DSCAM: variants seen among roughly 807,000 people sequenced by gnomAD.
The protein encoded by DSCAM is cell adhesion molecule DSCAM.
Under a neutral mutation model 217.7 loss-of-function variants are expected in DSCAM, and 47 were observed. That is an observed-to-expected ratio of 0.22 (90% confidence interval 0.17 to 0.28). DSCAM has a LOEUF of 0.28. Among genes scored for constraint, DSCAM ranks in the 10% least tolerant of loss-of-function variants. The probability of loss-of-function intolerance (pLI) is 1.00; values close to 1 mark genes in which losing one functional copy is unlikely to be tolerated. For missense variants in DSCAM, 2,080 were observed against 2,618.3 expected (o/e 0.79, Z 4.49); for synonymous variants, 1,056 against 1,015.3 (o/e 1.04, Z -0.76).
chr21:40,683,358 A>C (rs899921177), intron 3 of DSCAM, among the ~76,000 whole-genome samples: 1 of 152,172 alleles, frequency 6.6e-6, no homozygotes, highest in Non-Finnish European at 1.5e-5. Flanking sequence ...CAAAATACTC[A>C]CTACTATAAA....
intron 3 of DSCAM, among the ~76,000 whole-genome samples, chr21:40,533,599 G>C: frequency 1.3e-5 from 1 of 78,792 alleles, no homozygotes; most frequent in Non-Finnish European, 2.0e-5. Context: ...CCATCCACCT[G>C]TCTGTCCATC....
intron 1 of DSCAM, among the ~76,000 whole-genome samples, chr21:40,772,170 C>A (rs8127001): frequency 0.83 from 126,218 of 152,172 alleles, 52,494 homozygotes; most frequent in African/African-American, 0.86. Context: ...TGATTTGTTT[C>A]TGTTTTTTTC....
intron 1 of DSCAM, among the ~76,000 whole-genome samples, chr21:40,789,984 T>C (rs2091626229): frequency 6.6e-6 from 1 of 152,136 alleles, no homozygotes; most frequent in Non-Finnish European, 1.5e-5. Context: ...TTGGTGGCTT[T>C]GCCAATTTAG....
intron 1 of DSCAM, among the ~76,000 whole-genome samples, chr21:40,768,480 G>A (rs923569340): frequency 2.6e-5 from 4 of 152,248 alleles, no homozygotes; most frequent in African/African-American, 9.6e-5. Context: ...CTAACCGAAA[G>A]CATTCTTCTC....
At chr21:40,105,710 G>A (rs1373539145) in intron 20 of DSCAM, among the ~76,000 whole-genome samples, 2 of 151,710 alleles carry the variant, frequency 1.3e-5, no homozygotes, top group African/African-American at 4.8e-5. Context: ...AGGATAACAG[G>A]GAAAAAAGAC....
intron 6 of DSCAM, among the ~76,000 whole-genome samples, chr21:40,345,134 G>A (rs1320194520): frequency 1.3e-5 from 2 of 151,520 alleles, no homozygotes; most frequent in Non-Finnish European, 2.9e-5. Flanking sequence ...TTTCCCATAC[G>A]TTCACTCTTT....
chr21:40,483,741 AG>A (rs1455735950), intron 3 of DSCAM, among the ~76,000 whole-genome samples: 1 of 152,216 alleles, frequency 6.6e-6, no homozygotes. Context: ...TCCCTGGAAT[AG>A]ATTAGTGTGC....
intron 15 of DSCAM, among the ~76,000 whole-genome samples, chr21:40,171,961 T>C (rs2090663318): frequency 6.6e-6 from 1 of 152,178 alleles, no homozygotes; most frequent in Admixed American, 6.5e-5. Context: ...ACATTGGAAA[T>C]TTAAGAATTT....
intron 9 of DSCAM, among the ~76,000 whole-genome samples, chr21:40,297,092 AG>A (rs2073963593): frequency 6.6e-6 from 1 of 152,090 alleles, no homozygotes; most frequent in African/African-American, 2.4e-5. Flanking sequence ...GGTGGGCCAA[AG>A]GGGGACTGTG....
intron 11 of DSCAM, among the ~76,000 whole-genome samples, chr21:40,230,711 A>G (rs2091373500): frequency 6.6e-6 from 1 of 152,202 alleles, no homozygotes; most frequent in East Asian, 1.9e-4. Context: ...CTCATGGGAT[A>G]ACTGAAGAGT....
chr21:40,819,607 G>T (rs1601307747), intron 1 of DSCAM, among the ~76,000 whole-genome samples: 1 of 152,258 alleles, frequency 6.6e-6, no homozygotes, highest in African/African-American at 2.4e-5. Context: ...AGATCATTGT[G>T]GGCCAAGCTG....
chr21:40,406,041 T>C (rs779243386), intron 3 of DSCAM, among the ~76,000 whole-genome samples: 1 of 152,156 alleles, frequency 6.6e-6, no homozygotes, highest in African/African-American at 2.4e-5. Flanking sequence ...AAGGGGTATA[T>C]GATAAAATGC....
At chr21:40,167,429 T>C (rs2090609747) in intron 15 of DSCAM, 141 bp from the exon 16 acceptor site, 1 of 668,856 alleles carries the variant, frequency 1.5e-6, no homozygotes, top group Non-Finnish European at 2.6e-6. Context: ...TCATGGGAAA[T>C]GTCAATTTTG....
intron 20 of DSCAM, among the ~76,000 whole-genome samples, chr21:40,111,666 A>G (rs1359282014): frequency 5.3e-5 from 8 of 152,220 alleles, no homozygotes; most frequent in South Asian, 2.1e-4. Flanking sequence ...GTATTCAGGA[A>G]ACCCATCTCA....
At chr21:40,270,623 A>G (rs1257851837) in intron 11 of DSCAM, among the ~76,000 whole-genome samples, 1 of 152,166 alleles carries the variant, frequency 6.6e-6, no homozygotes, top group Admixed American at 6.5e-5. Flanking sequence ...TCTCATGCTC[A>G]ATTTTAATTC....
chr21:40,689,468 G>A (rs543045518), intron 3 of DSCAM, among the ~76,000 whole-genome samples: 2 of 152,298 alleles, frequency 1.3e-5, no homozygotes, highest in African/African-American at 2.4e-5. Flanking sequence ...CATGCTTTTG[G>A]GCCCTCTCTT....
chr21:40,634,781 T>G (rs940256953), intron 3 of DSCAM, among the ~76,000 whole-genome samples: 5 of 152,224 alleles, frequency 3.3e-5, no homozygotes, highest in Admixed American at 1.3e-4. Context: ...TGGTAATAAC[T>G]GAGCGAGAAG....
chr21:40,665,422 T>C (rs75695199), intron 3 of DSCAM, among the ~76,000 whole-genome samples: 6,355 of 152,260 alleles, frequency 0.042, 160 homozygotes, highest in Middle Eastern at 0.095. Flanking sequence ...GGCTGTCCCC[T>C]TGGCCTTCTG....
At chr21:40,636,795 C>T (rs1230839977) in intron 3 of DSCAM, among the ~76,000 whole-genome samples, 1 of 140,796 alleles carries the variant, frequency 7.1e-6, no homozygotes, top group African/African-American at 2.7e-5. Flanking sequence ...TCTCATTCAA[C>T]AACCACTCCA....
Sources: gnomAD v4.1 joint callset for allele counts (sites outside exome capture counted in the v4.1 genomes callset) on GRCh38, gnomAD v4.1.1 for gene constraint, MANE v1.5 for transcripts, NCBI Gene and HGNC (gene_info 2026-07-23, HGNC 2026-07-21) for gene names.